The following SSRP1 variants were observed in gnomAD, a reference collection of about 807,000 sequenced individuals.
The protein encoded by SSRP1 is structure specific recognition protein 1.
Under a neutral mutation model 84.4 loss-of-function variants are expected in SSRP1, and 21 were observed. The observed-to-expected ratio is 0.25, with a 90% CI of 0.18 to 0.36. The LOEUF (loss-of-function observed/expected upper bound fraction) is 0.36. SSRP1 is among the 10% of genes least tolerant of loss of function. The pLI is 1.00. For synonymous variants in SSRP1, 319 were observed against 318.3 expected, an observed-to-expected ratio of 1.00 and a Z score of -0.02; for missense variants, 519 against 900.8, an observed-to-expected ratio of 0.58 and a Z score of 5.43.
intron 12 of SSRP1, chr11:57,329,682 T>C: frequency 4.2e-6 from 1 of 237,970 alleles, no homozygotes; most frequent in Non-Finnish European, 8.3e-6. Context: ...GTGAATCACA[T>C]TTCTGACACT....
Position 57,335,196 on chromosome 11 carries a change from C to A in SSRP1, c.-75G>T, listed in dbSNP as rs551907431. ...GAAACCAAGTAAACTGGGAGCTGGGCCCCAACTCCTGAGTGGGTGTGCGGA... is the reference window on the plus strand; with the variant it reads ...GAAACCAAGTAAACTGGGAGCTGGGACCCAACTCCTGAGTGGGTGTGCGGA... On this transcript the variant is annotated 5_prime_UTR_variant, in exon 2 of 17. Transcript: ENST00000278412. The surrounding 1 kb of genome is among the most constrained non-coding windows in gnomAD (Gnocchi z 4.6). 5 of 1,504,826 alleles carry A rather than the reference C, an allele frequency of 3.3e-6. 1 individual carries two copies. In the Admixed American group the frequency reaches 8.4e-5, roughly 25 times the overall value. The allele number at this position is 1,504,826 out of a possible 1,614,324, so 93.2% of individuals were successfully genotyped here.
chr11:57,327,275 G>A lies in SSRP1; in HGVS notation c.1871+151C>T, dbSNP rs181422243. 1.1e-3 allele frequency: 905 copies of A among 809,072 alleles called. 7 individuals are homozygous for A. In the Middle Eastern group the frequency reaches 0.027, roughly 24 times the overall value. 50.1% of individuals were successfully genotyped at this position (809,072 alleles called of 1,614,324 possible). A position where few individuals can be genotyped will look rare whatever the true frequency, so the allele number is the denominator to read the frequency against. ...GCCCTATTGTGTCACCCATACTTGG[G>A]CAATGGCCTACCCAGGTTTGAGAAG... On this transcript the variant is annotated intron_variant, in intron 15 of 16. Transcript: ENST00000278412.
chr11:57,330,855 C>T lies in SSRP1; in HGVS notation c.1296G>A (p.Glu432=), dbSNP rs1856075477. 1 of 1,614,114 alleles carries T rather than the reference C, an allele frequency of 6.2e-7. No homozygotes were observed. Among genetic ancestry groups the T allele is most frequent in the Admixed American group, 1.7e-5 (1 of 60,010 alleles). The change falls in exon 10 of 17, where the codon GAG becomes GAA. Residue 432 remains glutamate, a splice_region_variant and synonymous_variant. Coordinates refer to ENST00000278412, the MANE Select transcript of SSRP1 (RefSeq NM_003146.3). This position sits in a 1 kb window ranked among gnomAD's most constrained non-coding sequence, Gnocchi z 4.0. ...TCTCATCCTCCCCACACAGAAGTAC[C>T]TCTTTCAATCCTCGGTTTTTGATGT... ...KLNIKNRGLK[E]GMNPSYDEYA... is the part of the protein sequence containing the mutation.
Position 57,335,443 on chromosome 11 carries a change from C to A in SSRP1, c.-119-203G>T, listed in dbSNP as rs938186013. 2 of 334,560 alleles carry A rather than the reference C, an allele frequency of 6.0e-6. No individual in the cohort carries two copies. The highest frequency in any genetic ancestry group is 1.2e-5 in the Non-Finnish European group (2 of 170,960). The allele number at this position is 334,560 out of a possible 1,614,324, so 20.7% of individuals were successfully genotyped here. On this transcript the variant is annotated intron_variant, in intron 1 of 16. Transcript: ENST00000278412. The surrounding 1 kb of genome is among the most constrained non-coding windows in gnomAD (Gnocchi z 4.6). ...GGCCCGGAATACCGCTGACACCCAA[C>A]CCGACGCCCGCTCTGGCCGCTCCGG...
Position 57,326,429 on chromosome 11 carries a change from G to C in SSRP1, c.2108C>G (p.Ser703Ter). Residue 703 changes from serine to a stop codon, truncating the protein, a stop_gained, in exon 17 of 17, where the codon TCA becomes TGA. Transcript: ENST00000278412. LOFTEE classifies it high-confidence loss of function. Reference sequence around the variant, plus strand: ...TTTCTACTCATCGGATCCTGACGCTGAGTCCTCTGAGCTGGGGGGAGTACT... The same window carrying C: ...TTTCTACTCATCGGATCCTGACGCTCAGTCCTCTGAGCTGGGGGGAGTACT... ...LASTPPSSED[S>*]ASGSDE is the part of the protein sequence containing the mutation. 6.2e-7 allele frequency: 1 copy of C among 1,614,156 alleles called. No individual in the cohort carries two copies. The highest frequency in any genetic ancestry group is 8.5e-7 in the Non-Finnish European group (1 of 1,180,028).
rs988338838 is a variant in SSRP1, at chr11:57,328,313, C to T, written c.1595G>A (p.Arg532His). The T allele has an allele frequency of 3.1e-6, 5 of 1,614,012 alleles. No homozygotes were observed. Among genetic ancestry groups the T allele is most frequent in the African/African-American group, 1.3e-5 (1 of 74,934 alleles). ...KAKMAKDRKS[R>H]KKPVEVKKGK... ...AGTCTGCACCTCCACAGGCTTCTTGCGGCTCTTGCGGTCCTTGGCCATCTT... is the reference window on the plus strand; with the variant it reads ...AGTCTGCACCTCCACAGGCTTCTTGTGGCTCTTGCGGTCCTTGGCCATCTT... The change falls in exon 13 of 17, where the codon CGC becomes CAC. Residue 532 changes from arginine (R) to histidine (H), a missense_variant. Arg to His is a conservative substitution (Grantham distance 29, BLOSUM62 0). This residue lies in a region of SSRP1 where 197 missense variants were observed against 265.0 expected (regional missense o/e 0.74). Coordinates refer to ENST00000278412, the MANE Select transcript of SSRP1 (RefSeq NM_003146.3).
In SSRP1 at chr11:57,327,811, G is replaced by A; in HGVS notation, c.1683C>T (p.Ser561=). The A allele has an allele frequency of 6.2e-7, 1 of 1,614,130 alleles. No homozygotes were observed. Among genetic ancestry groups the A allele is most frequent in the East Asian group, 2.2e-5 (1 of 44,886 alleles). Residue 561 remains serine (S), a synonymous_variant, in exon 14 of 17, where the codon AGC becomes AGT. Coordinates refer to ENST00000278412, the MANE Select transcript of SSRP1 (RefSeq NM_003146.3). ...MSAYMLWLNA[S]REKIKSDHPG... The stretch of plus-strand genomic sequence containing the variant: ...GATGGTCTGACTTGATCTTCTCTCG[G>A]CTGGCATTGAGCCACAGCATGTATG...
At position 57,328,001 on chromosome 11, in the gene SSRP1, G is replaced by C. The variant is rs371120508; in HGVS notation, c.1612-119C>G. The C allele has an allele frequency of 3.2e-6, 4 of 1,260,720 alleles. No homozygotes were observed. In the African/African-American group the frequency reaches 6.0e-5, roughly 19 times the overall value. The allele number at this position is 1,260,720 out of a possible 1,614,324, so 78.1% of individuals were successfully genotyped here. ...TGGAGGACTAAATAGCATCAGGCGA[G>C]ACGAGAGCTCCCTAAGGGCAAGGAT... On this transcript the variant is annotated intron_variant, in intron 13 of 16. Transcript: ENST00000278412.
rs1349325301 is a variant in SSRP1, at chr11:57,327,240, T to C, written c.1871+186A>G. ...AGGAAAAGAGGCCATATTTCCCCAGTGACTTGAATGCCCTATTGTGTCACC... is the reference window on the plus strand; with the variant it reads ...AGGAAAAGAGGCCATATTTCCCCAGCGACTTGAATGCCCTATTGTGTCACC... On this transcript the variant is annotated intron_variant, in intron 15 of 16. Coordinates refer to ENST00000278412, the MANE Select transcript of SSRP1 (RefSeq NM_003146.3). The C allele has an allele frequency of 7.1e-6, 5 of 707,880 alleles. No individual in the cohort carries two copies. In the East Asian group the frequency reaches 1.0e-4, roughly 14 times the overall value. The allele number at this position is 707,880 out of a possible 1,614,324, so 43.8% of individuals were successfully genotyped here.
chr11:57,330,541 C>T lies in SSRP1; in HGVS notation c.1297-112G>A, dbSNP rs1590607459. On this transcript the variant is annotated intron_variant, in intron 10 of 16. Transcript: ENST00000278412. The surrounding 1 kb of genome is among the most constrained non-coding windows in gnomAD (Gnocchi z 4.0). The stretch of plus-strand genomic sequence containing the variant: ...AGTCAGAGCAGCAGCTCCCAGAAGA[C>T]CTGGGGCTGGATTGTCCACACACAG... 2 of 1,509,314 alleles carry T rather than the reference C, an allele frequency of 1.3e-6. No homozygotes were observed. Among genetic ancestry groups the T allele is most frequent in the Non-Finnish European group, 8.9e-7 (1 of 1,128,644 alleles). 93.5% of individuals were successfully genotyped at this position (1,509,314 alleles called of 1,614,324 possible).
chr11:57,333,269 C>A, intron 4 of SSRP1, 120 bp from the exon 5 acceptor site: 1 of 1,222,240 alleles, frequency 8.2e-7, no homozygotes. Flanking sequence ...TAGACTATAA[C>A]CCCAACCCCA....
chr11:57,332,356 A>G lies in SSRP1; in HGVS notation c.872+27T>C. 1 of 1,613,962 alleles carries G rather than the reference A, an allele frequency of 6.2e-7. No individual in the cohort carries two copies. Among genetic ancestry groups the G allele is most frequent in the Non-Finnish European group, 8.5e-7 (1 of 1,179,854 alleles). ...ACCTGTCTCCTGCCTGGACAGTGGT[A>G]GGAAACGAGTCCAGGGAGACACTCA... On this transcript the variant is annotated intron_variant, in intron 7 of 16. Coordinates refer to ENST00000278412, the MANE Select transcript of SSRP1 (RefSeq NM_003146.3). The surrounding 1 kb of genome is among the most constrained non-coding windows in gnomAD (Gnocchi z 5.5).
chr11:57,326,577 G>C, intron 16 of SSRP1, 99 bp from the exon 17 acceptor site: 2 of 1,593,022 alleles, frequency 1.3e-6, no homozygotes, highest in Non-Finnish European at 1.7e-6. Context: ...CCCAACTACA[G>C]CACCCCCCTT....
At position 57,327,482 on chromosome 11, in the gene SSRP1, C is replaced by T. The variant is rs767377033; in HGVS notation, c.1815G>A (p.Arg605=). 10 of 1,614,148 alleles carry T rather than the reference C, an allele frequency of 6.2e-6. No homozygotes were observed. Among genetic ancestry groups the T allele is most frequent in the South Asian group, 4.4e-5 (4 of 91,086 alleles). ...ATTCTTTCATGGCTTTTTCATAGTC[C>T]CTCCTGGCATCCTCAGCCTTGCGAT... is the stretch of plus-strand genomic sequence containing the variant. ...EWDRKAEDAR[R]DYEKAMKEYE... The change falls in exon 15 of 17, where the codon AGG becomes AGA. Residue 605 remains arginine (R), a synonymous_variant. Coordinates refer to ENST00000278412, the MANE Select transcript of SSRP1 (RefSeq NM_003146.3).
Position 57,332,998 on chromosome 11 carries a change from G to A in SSRP1, c.498C>T (p.Tyr166=), listed in dbSNP as rs113062066. The A allele has an allele frequency of 3.6e-3, 5,863 of 1,613,870 alleles. 12 individuals are homozygous for A. The highest frequency in any genetic ancestry group is 4.6e-3 in the Non-Finnish European group (5,399 of 1,179,842). ...CACCATCCTCCTGGGTGGGTGGGAC[G>A]TAGAAGCGCACCTCCATGAGAGACA... ...AEVSLMEVRF[Y]VPPTQEDGVD... Residue 166 remains tyrosine (Y), a synonymous_variant, in exon 5 of 17, where the codon TAC becomes TAT. Transcript: ENST00000278412. This position sits in a 1 kb window ranked among gnomAD's most constrained non-coding sequence, Gnocchi z 5.5.
intron 12 of SSRP1, 66 bp from the exon 13 acceptor site, chr11:57,328,492 G>A: frequency 6.3e-7 from 1 of 1,591,790 alleles, no homozygotes; most frequent in Non-Finnish European, 8.5e-7. Flanking sequence ...CTCAGGACAG[G>A]AGGAAGACAA....
rs1855995958 is a variant in SSRP1, at chr11:57,326,869, T to C, written c.1892A>G (p.Lys631Arg). The C allele has an allele frequency of 2.5e-6, 4 of 1,610,872 alleles. No individual in the cohort carries two copies. In the East Asian group the frequency reaches 8.9e-5, roughly 36 times the overall value. The change falls in exon 16 of 17, where the codon AAG becomes AGG. Residue 631 changes from lysine to arginine, a missense_variant. This residue lies in a region of SSRP1 where 197 missense variants were observed against 265.0 expected (regional missense o/e 0.74). Transcript: ENST00000278412. ...CTTTTCCATCTTTACCTTTACTTTC[T>C]TCTTCTTCTTTGACTTGTCCCTGTA... ...SSKRDKSKKK[K>R]KVKVKMEKKS...
At chr11:57,333,386 C>T (rs750197555) in intron 4 of SSRP1, 49 bp downstream of exon 4, 1 of 1,484,104 alleles carries the variant, frequency 6.7e-7, no homozygotes, top group East Asian at 2.3e-5. Flanking sequence ...AAGGCTGAAA[C>T]CCTTCACCCT....
chr11:57,328,499 A>C, intron 12 of SSRP1, 73 bp from the exon 13 acceptor site: 2 of 1,583,118 alleles, frequency 1.3e-6, no homozygotes, highest in Non-Finnish European at 1.7e-6. Flanking sequence ...CAGGAGGAAG[A>C]CAAATCCAAA....
Sources: gnomAD v4.1 joint callset for allele counts on GRCh38, gnomAD v4.1.1 for gene constraint, gnomAD v4.1.1 regional missense constraint, Gnocchi (gnomAD v3.1) non-coding constraint, MANE v1.5 for transcripts, NCBI Gene and HGNC (gene_info 2026-07-23, HGNC 2026-07-21) for gene names.